RHOC: variants seen among roughly 807,000 people sequenced by gnomAD.
The protein encoded by RHOC is rho-related GTP-binding protein RhoC.
Under a neutral mutation model 19.5 loss-of-function variants are expected in RHOC, and 13 were observed. The observed-to-expected ratio is 0.67, with a 90% CI of 0.43 to 1.06. The LOEUF (loss-of-function observed/expected upper bound fraction) is 1.06. Among genes scored for constraint, RHOC ranks in the 50% least tolerant of loss-of-function variants. The probability of loss-of-function intolerance (pLI) is 0.00; values close to 1 mark genes in which losing one functional copy is unlikely to be tolerated. For missense variants in RHOC, 173 were observed against 256.9 expected (o/e 0.67, Z 2.23); for synonymous variants, 106 against 97.3 (o/e 1.09, Z -0.52).
In RHOC at chr1:112,703,460, G is replaced by A. The variant is rs138163676; in HGVS notation, c.156+184C>T. The A allele has an allele frequency of 7.0e-4, 519 of 737,220 alleles. No individual in the cohort carries two copies. In the African/African-American group the frequency reaches 7.6e-3, roughly 11 times the overall value. The allele number at this position is 737,220 out of a possible 1,614,324, so 45.7% of individuals were successfully genotyped here. A position where few individuals can be genotyped will look rare whatever the true frequency, so the allele number is the denominator to read the frequency against. ...TCGGCCCAGGTTACAGAGCCAGTCT[G>A]TGGGAGAACCAGAAAGTATATCCAG... On this transcript the variant is annotated intron_variant, in intron 3 of 5. Transcript: ENST00000339083.
Position 112,705,087 on chromosome 1 carries a change from G to A in RHOC, c.-8+13C>T. On this transcript the variant is annotated intron_variant, in intron 2 of 5. Transcript: ENST00000339083. The stretch of plus-strand genomic sequence containing the variant: ...TTCCCTCACTTCCTCCTTCCCTGGG[G>A]AGGGGAACTGACCTCCAGCCGGCTG... The A allele has an allele frequency of 2.8e-6, 2 of 702,548 alleles. No homozygotes were observed. Among genetic ancestry groups the A allele is most frequent in the African/African-American group, 1.7e-5 (1 of 57,338 alleles). The allele number at this position is 702,548 out of a possible 1,614,324, so 43.5% of individuals were successfully genotyped here.
chr1:112,701,266 A>G lies in RHOC; in HGVS notation c.*274T>C, dbSNP rs1674614761. The G allele has an allele frequency of 2.5e-6, 2 of 805,712 alleles. No homozygotes were observed. Among genetic ancestry groups the G allele is most frequent in the South Asian group, 1.9e-5 (1 of 53,742 alleles). The allele number at this position is 805,712 out of a possible 1,614,324, so 49.9% of individuals were successfully genotyped here. On this transcript the variant is annotated 3_prime_UTR_variant, in exon 6 of 6. Coordinates refer to ENST00000339083, the MANE Select transcript of RHOC (RefSeq NM_175744.5). Reference sequence around the variant, plus strand: ...ACTTTCCTGTGAGCCAGAAGTGTATAAAGTGCTGGTGTGTGACCATCCTTT... The same window carrying G: ...ACTTTCCTGTGAGCCAGAAGTGTATGAAGTGCTGGTGTGTGACCATCCTTT...
rs1336355723 is a variant in RHOC at position 112,706,478 on chromosome 1, A to ACCCCCACAC, written c.-77+599_-77+600insGTGTGGGGG. On this transcript the variant is annotated intron_variant, in intron 1 of 5. Transcript: ENST00000339083. Reference sequence around the variant, plus strand: ...ACACACACACACCACACACACACACACACACACACACACACACACACACAC... The same window carrying ACCCCCACAC: ...ACACACACACACCACACACACACACACCCCCACACCACACACACACACACACACACACAC... Among the ~76,000 whole-genome samples the ACCCCCACAC allele has an allele frequency of 3.5e-3, 18 of 5,126 alleles. 1 individual carries two copies. The highest frequency in any genetic ancestry group is 6.2e-3 in the Non-Finnish European group (13 of 2,082). The allele number at this position is 5,126 out of a possible 152,430, so 3.4% of individuals were successfully genotyped here.
At position 112,702,707 on chromosome 1, in the gene RHOC, C is replaced by T. The variant is rs1000726231; in HGVS notation, c.278-14G>A. 1.6e-5 allele frequency: 26 copies of T among 1,613,780 alleles called. No individual in the cohort carries two copies. Among genetic ancestry groups the T allele is most frequent in the Middle Eastern group, 1.6e-4 (1 of 6,082 alleles). On this transcript the variant is annotated splice_polypyrimidine_tract_variant and intron_variant, in intron 4 of 5. Coordinates refer to ENST00000339083, the MANE Select transcript of RHOC (RefSeq NM_175744.5). The stretch of plus-strand genomic sequence containing the variant: ...CAGGAATGTTTTCTGTGTAGACATG[C>T]ACCAACAGGTGTCGGTGCCTCCACT...
chr1:112,704,047 C>G (rs1674757009), intron 2 of RHOC, among the ~76,000 whole-genome samples: 1 of 152,094 alleles, frequency 6.6e-6, no homozygotes, highest in Non-Finnish European at 1.5e-5. Flanking sequence ...GATGATGACC[C>G]CACTTGGGAG....
intron 1 of RHOC, 101 bp from the exon 2 acceptor site, chr1:112,705,269 T>A (rs1392858717): frequency 1.5e-6 from 1 of 683,388 alleles, no homozygotes; most frequent in African/African-American, 1.8e-5. Flanking sequence ...AGGGAGCAGT[T>A]AAGAAAGCGA....
At position 112,701,336 on chromosome 1, in the gene RHOC, G is replaced by T; in HGVS notation, c.*204C>A. ...AAGATCCCCAGGGGCCCTGAGGAAG[G>T]GCAGGGCATAGGCGTGGCTCCCAGA... is the stretch of plus-strand genomic sequence containing the variant. On this transcript the variant is annotated 3_prime_UTR_variant, in exon 6 of 6. Coordinates refer to ENST00000339083, the MANE Select transcript of RHOC (RefSeq NM_175744.5). 7.0e-7 allele frequency: 1 copy of T among 1,433,208 alleles called. No individual in the cohort carries two copies. Among genetic ancestry groups the T allele is most frequent in the South Asian group, 1.4e-5 (1 of 71,990 alleles). 88.8% of individuals were successfully genotyped at this position (1,433,208 alleles called of 1,614,324 possible).
intron 5 of RHOC, among the ~76,000 whole-genome samples, chr1:112,702,022 T>C (rs1361006305): frequency 3.3e-5 from 5 of 152,186 alleles, no homozygotes; most frequent in African/African-American, 1.2e-4. Context: ...CAGAATTATT[T>C]TTCTAACACA....
At chr1:112,706,050 G>A (rs1176208930) in intron 1 of RHOC, 5 of 203,004 alleles carry the variant, frequency 2.5e-5, no homozygotes, top group African/African-American at 1.1e-4. Flanking sequence ...AACTCCCTGT[G>A]AGAGGCAGCC....
Position 112,705,305 on chromosome 1 carries a change from C to T in RHOC, c.-76-137G>A, listed in dbSNP as rs543315679. ...CGGTAACCTGATCTCAGCCTCAAAC[C>T]TAGCTTTTTCTCTCAGTCCCACATC... On this transcript the variant is annotated intron_variant, in intron 1 of 5. Transcript: ENST00000339083. The T allele has an allele frequency of 1.9e-5, 12 of 645,394 alleles. No individual in the cohort carries two copies. In the East Asian group the frequency reaches 2.7e-4, roughly 15 times the overall value. The allele number at this position is 645,394 out of a possible 1,614,324, so 40.0% of individuals were successfully genotyped here.
intron 1 of RHOC, among the ~76,000 whole-genome samples, chr1:112,706,474 A>ACCACACACACACACACACACCCCCACAC (rs1557780679): frequency 3.0e-4 from 1 of 3,346 alleles, no homozygotes; most frequent in African/African-American, 7.6e-4. Flanking sequence ...CCACACACAC[A>ACCACACACACACACACACACCCCCACAC]CACACACACA....
Position 112,701,552 on chromosome 1 carries a change from A to G in RHOC, c.570T>C (p.Cys190=). 1 of 1,614,090 alleles carries G rather than the reference A, an allele frequency of 6.2e-7. No homozygotes were observed. Among genetic ancestry groups the G allele is most frequent in the Non-Finnish European group, 8.5e-7 (1 of 1,179,968 alleles). ...GGCCTTGGGGATCTCAGAGAATGGG[A>G]CAGCCCCTCCGACGCTTGTTCTTGC... The part of the protein sequence containing the change: ...QVRKNKRRRG[C]PIL Residue 190 remains cysteine (C), a synonymous_variant, in exon 6 of 6, where the codon TGT becomes TGC. Coordinates refer to ENST00000339083, the MANE Select transcript of RHOC (RefSeq NM_175744.5).
intron 5 of RHOC, 97 bp from the exon 6 acceptor site, chr1:112,701,810 T>TCC: frequency 7.2e-7 from 1 of 1,379,722 alleles, no homozygotes; most frequent in Non-Finnish European, 1.0e-6. Context: ...AAATGCCTCC[T>TCC]TCTCCAGCCC....
At chr1:112,705,880 G>T in intron 1 of RHOC, 1 of 347,694 alleles carries the variant, frequency 2.9e-6, no homozygotes, top group Non-Finnish European at 5.7e-6. Context: ...CGGCACCAGA[G>T]TGGTGGGAGG....
intron 1 of RHOC, chr1:112,706,072 G>A: frequency 5.2e-6 from 1 of 190,482 alleles, no homozygotes; most frequent in African/African-American, 2.3e-5. Context: ...CAGAGGGACT[G>A]TCCCACTGAC....
chr1:112,705,424 T>C, intron 1 of RHOC: 1 of 597,446 alleles, frequency 1.7e-6, no homozygotes, highest in South Asian at 1.8e-5. Context: ...GCCCCAGGCC[T>C]CTTCCCTTCA....
rs902053407 is a variant in RHOC, at chr1:112,701,397, G to T, written c.*143C>A. On this transcript the variant is annotated 3_prime_UTR_variant, in exon 6 of 6. Transcript: ENST00000339083. ...GGAGGGCCCGTGCCACCACCTCGGG[G>T]CTAGAAAACAATGCAGTCCTGGGCA... is the stretch of plus-strand genomic sequence containing the variant. 4 of 1,562,376 alleles carry T rather than the reference G, an allele frequency of 2.6e-6. No individual in the cohort carries two copies. The highest frequency in any genetic ancestry group is 2.6e-6 in the Non-Finnish European group (3 of 1,153,070).
chr1:112,705,731 G>C (rs1402240565), intron 1 of RHOC: 8 of 452,420 alleles, frequency 1.8e-5, no homozygotes. Flanking sequence ...AGTTCACCTT[G>C]CCCTGTTTTG....
At chr1:112,704,027 G>C (rs556677348) in intron 2 of RHOC, among the ~76,000 whole-genome samples, 1 of 152,274 alleles carries the variant, frequency 6.6e-6, no homozygotes, top group South Asian at 2.1e-4. Context: ...GAATACAGTG[G>C]TGGGAGGTAG....
Sources: gnomAD v4.1 joint callset for allele counts (sites outside exome capture counted in the v4.1 genomes callset) on GRCh38, gnomAD v4.1.1 for gene constraint, MANE v1.5 for transcripts, NCBI Gene and HGNC (gene_info 2026-07-23, HGNC 2026-07-21) for gene names.